The following C1QL3 variants were observed in gnomAD, a reference collection of about 807,000 sequenced individuals.
The protein encoded by C1QL3 is complement C1q-like protein 3.
In C1QL3, 4 loss-of-function variants were observed where a neutral mutation model predicts 16.6. That is an observed-to-expected ratio of 0.24 (90% CI 0.12 to 0.55). The LOEUF is 0.55. Among genes scored for constraint, C1QL3 ranks in the 20% least tolerant of loss-of-function variants. The pLI is 0.94. For missense variants in C1QL3, 269 were observed against 365.6 expected (o/e 0.74, Z 2.16); for synonymous variants, 189 against 160.2 (o/e 1.18, Z -1.36).
chr10:16,516,872 T>G (rs751091410), intron 1 of C1QL3, among the ~76,000 whole-genome samples: 1 of 152,302 alleles, frequency 6.6e-6, no homozygotes, highest in East Asian at 1.9e-4. Context: ...TGCTTTTTAA[T>G]GAATGTAATT....
At position 16,520,470 on chromosome 10, in the gene C1QL3, G is replaced by T. The variant is rs1416987986; in HGVS notation, c.588+8C>A. 3 of 528,120 alleles carry T rather than the reference G, an allele frequency of 5.7e-6. No individual in the cohort carries two copies. The highest frequency in any genetic ancestry group is 4.4e-5 in the African/African-American group (2 of 45,676). 32.7% of individuals were successfully genotyped at this position (528,120 alleles called of 1,614,324 possible). On this transcript the variant is annotated splice_region_variant and intron_variant, in intron 1 of 1. Transcript: ENST00000298943. This position sits in a 1 kb window ranked among gnomAD's most constrained non-coding sequence, Gnocchi z 8.3. Reference sequence around the variant, plus strand: ...TCCCCGCCCTCCCCGCCGCCCGCCCGCGCTCACCTGGTTGTTTTTGCAGAG... The same window carrying T: ...TCCCCGCCCTCCCCGCCGCCCGCCCTCGCTCACCTGGTTGTTTTTGCAGAG...
Position 16,513,999 on chromosome 10 carries a change from C to G in C1QL3, c.*529G>C, listed in dbSNP as rs1365327372. On this transcript the variant is annotated 3_prime_UTR_variant, in exon 2 of 2. Transcript: ENST00000298943. ...GCTTGAAGTTGAATCATTCCCAGGT[C>G]TAGCTCTAAGGTTAACAAGAGTACA... 1.5e-5 allele frequency: 4 copies of G among 259,014 alleles called. No homozygotes were observed. Among genetic ancestry groups the G allele is most frequent in the Non-Finnish European group, 2.2e-5 (3 of 138,234 alleles). The allele number at this position is 259,014 out of a possible 1,614,324, so 16.0% of individuals were successfully genotyped here.
rs939922913 is a variant in C1QL3, at chr10:16,520,208, G to A, written c.588+270C>T. Among the ~76,000 whole-genome samples, 2 of 152,054 alleles carry A rather than the reference G, an allele frequency of 1.3e-5. No individual in the cohort carries two copies. The highest frequency in any genetic ancestry group is 6.5e-5 in the Admixed American group (1 of 15,282). The stretch of plus-strand genomic sequence containing the variant: ...CCCGGGACCCAGCTCCCGGCTTCCC[G>A]CCCCTCGAGGGTCGCGCTCGCAGGG... On this transcript the variant is annotated intron_variant, in intron 1 of 1. Transcript: ENST00000298943. The surrounding 1 kb of genome is among the most constrained non-coding windows in gnomAD (Gnocchi z 8.3).
rs761783743 is a variant in C1QL3 at position 16,520,624 on chromosome 10, C to T, written c.442G>A (p.Val148Met). ...EGYEVLKFDD[V>M]VTNLGNHYDP... ...TAGTGGTTTCCGAGGTTGGTGACCA[C>T]GTCGTCGAACTTGAGCACCTCGTAG... Residue 148 changes from valine (V) to methionine (M), a missense_variant, in exon 1 of 2, where the codon GTG becomes ATG. This residue lies in a region of C1QL3 where 246 missense variants were observed against 297.2 expected (regional missense o/e 0.83). Transcript: ENST00000298943. This position sits in a 1 kb window ranked among gnomAD's most constrained non-coding sequence, Gnocchi z 8.3. 3 of 1,613,706 alleles carry T rather than the reference C, an allele frequency of 1.9e-6. No individual in the cohort carries two copies. The highest frequency in any genetic ancestry group is 2.2e-5 in the East Asian group (1 of 44,812).
intron 1 of C1QL3, among the ~76,000 whole-genome samples, chr10:16,517,398 A>G (rs1836967675): frequency 6.6e-6 from 1 of 152,242 alleles, no homozygotes; most frequent in Admixed American, 6.5e-5. Flanking sequence ...AATTTTTAAG[A>G]GTACCAACTG....
At chr10:16,515,094 T>C (rs2133536474) in intron 1 of C1QL3, among the ~76,000 whole-genome samples, 1 of 152,272 alleles carries the variant, frequency 6.6e-6, no homozygotes, top group East Asian at 1.9e-4. Context: ...GATAGCAATA[T>C]TCTAATCAGC....
At chr10:16,519,993 T>A (rs1242695960) in intron 1 of C1QL3, among the ~76,000 whole-genome samples, 1 of 151,978 alleles carries the variant, frequency 6.6e-6, no homozygotes, top group African/African-American at 2.4e-5. Flanking sequence ...TTGGACTCAT[T>A]CCTTCGGGGC....
intron 1 of C1QL3, among the ~76,000 whole-genome samples, chr10:16,518,740 C>A (rs1836990266): frequency 6.6e-6 from 1 of 152,022 alleles, no homozygotes. Flanking sequence ...TTAATTGATA[C>A]CTCTAAAAAT....
rs912128913 is a variant in C1QL3, at chr10:16,521,274, A to C, written c.-209T>G. On this transcript the variant is annotated 5_prime_UTR_variant, in exon 1 of 2. Transcript: ENST00000298943. Reference sequence around the variant, plus strand: ...CTGCCGACTCCTGCTCCCCCCGCGGAGGCTGCGGCTGGGGAGGGAGCGCGG... The same window carrying C: ...CTGCCGACTCCTGCTCCCCCCGCGGCGGCTGCGGCTGGGGAGGGAGCGCGG... 1.5e-5 allele frequency: 8 copies of C among 524,814 alleles called. No individual in the cohort carries two copies. The highest frequency in any genetic ancestry group is 2.0e-5 in the Non-Finnish European group (6 of 301,940). 32.5% of individuals were successfully genotyped at this position (524,814 alleles called of 1,614,324 possible).
In C1QL3 at chr10:16,521,293, A is replaced by G. The variant is rs1241438815; in HGVS notation, c.-228T>C. On this transcript the variant is annotated 5_prime_UTR_variant, in exon 1 of 2. Coordinates refer to ENST00000298943, the MANE Select transcript of C1QL3 (RefSeq NM_001010908.2). Reference sequence around the variant, plus strand: ...CCGCGGAGGCTGCGGCTGGGGAGGGAGCGCGGGCGCCCAGTGACTTGAGCC... The same window carrying G: ...CCGCGGAGGCTGCGGCTGGGGAGGGGGCGCGGGCGCCCAGTGACTTGAGCC... The G allele has an allele frequency of 4.9e-5, 24 of 485,134 alleles. No individual in the cohort carries two copies. The highest frequency in any genetic ancestry group is 1.1e-3 in the Middle Eastern group (2 of 1,872). 30.1% of individuals were successfully genotyped at this position (485,134 alleles called of 1,614,324 possible). A position where few individuals can be genotyped will look rare whatever the true frequency, so the allele number is the denominator to read the frequency against.
rs959931138 is a variant in C1QL3, at chr10:16,521,358, G to A, written c.-293C>T. Reference sequence around the variant, plus strand: ...GGGGTGGGGGCCGGGGGAGGGGTGCGCGGGGCGCCCTCGCCCCCCGCGAGC... The same window carrying A: ...GGGGTGGGGGCCGGGGGAGGGGTGCACGGGGCGCCCTCGCCCCCCGCGAGC... On this transcript the variant is annotated 5_prime_UTR_variant, in exon 1 of 2. Transcript: ENST00000298943. 6.6e-6 allele frequency: 2 copies of A among 301,574 alleles called. No individual in the cohort carries two copies. The highest frequency in any genetic ancestry group is 2.2e-5 in the African/African-American group (1 of 45,514). The allele number at this position is 301,574 out of a possible 1,614,324, so 18.7% of individuals were successfully genotyped here. A position where few individuals can be genotyped will look rare whatever the true frequency, so the allele number is the denominator to read the frequency against.
Position 16,514,681 on chromosome 10 carries a change from A to G in C1QL3, c.615T>C (p.Asp205=). The change falls in exon 2 of 2, where the codon GAT becomes GAC. Residue 205 remains aspartate, a synonymous_variant. Coordinates refer to ENST00000298943, the MANE Select transcript of C1QL3 (RefSeq NM_001010908.2). ...NQVRASAIAQ[D]ADQNYDYASN... ...TGGCATAGTCGTAATTCTGATCAGC[A>G]TCTTGGGCAATTGCACTAGCACGCA... 6.2e-7 allele frequency: 1 copy of G among 1,613,762 alleles called. No homozygotes were observed. Among genetic ancestry groups the G allele is most frequent in the Non-Finnish European group, 8.5e-7 (1 of 1,179,726 alleles).
chr10:16,520,574 G>A lies in C1QL3; in HGVS notation c.492C>T (p.Thr164=). The change falls in exon 1 of 2, where the codon ACC becomes ACT. Residue 164 remains threonine (T), a synonymous_variant. Transcript: ENST00000298943. This position sits in a 1 kb window ranked among gnomAD's most constrained non-coding sequence, Gnocchi z 8.3. ...AGAAGTAGATGCCCGGGATGGAGCA[G>A]GTGAACTTGCCGGTGGTGGGGTCGT... is the stretch of plus-strand genomic sequence containing the variant. ...NHYDPTTGKF[T]CSIPGIYFFT... is the part of the protein sequence containing the mutation. 6.2e-7 allele frequency: 1 copy of A among 1,613,744 alleles called. No individual in the cohort carries two copies. The highest frequency in any genetic ancestry group is 8.5e-7 in the Non-Finnish European group (1 of 1,179,810).
At chr10:16,515,231 A>G (rs1177069032) in intron 1 of C1QL3, among the ~76,000 whole-genome samples, 1 of 151,434 alleles carries the variant, frequency 6.6e-6, no homozygotes, top group African/African-American at 2.4e-5. Context: ...AAAGAAAAAA[A>G]AAAAAAAGAA....
chr10:16,521,156 C>T lies in C1QL3; in HGVS notation c.-91G>A. Reference sequence around the variant, plus strand: ...GGCGATCCTCTTGTCTGCTTTTGGACAGAATTTTGAAGGTTGGGCGGGGAC... The same window carrying T: ...GGCGATCCTCTTGTCTGCTTTTGGATAGAATTTTGAAGGTTGGGCGGGGAC... On this transcript the variant is annotated 5_prime_UTR_variant, in exon 1 of 2. Transcript: ENST00000298943. The T allele has an allele frequency of 7.9e-7, 1 of 1,267,732 alleles. No individual in the cohort carries two copies. Among genetic ancestry groups the T allele is most frequent in the East Asian group, 2.6e-5 (1 of 38,428 alleles). The allele number at this position is 1,267,732 out of a possible 1,614,324, so 78.5% of individuals were successfully genotyped here. A position where few individuals can be genotyped will look rare whatever the true frequency, so the allele number is the denominator to read the frequency against.
Position 16,520,401 on chromosome 10 carries a change from T to C in C1QL3, c.588+77A>G, listed in dbSNP as rs1837022183. ...CTTCCTCCGCGGGCTCCCACCCCCA[T>C]TTCCGGGGTCTCCTCCCTCTCGCCC... is the stretch of plus-strand genomic sequence containing the variant. On this transcript the variant is annotated intron_variant, in intron 1 of 1. Coordinates refer to ENST00000298943, the MANE Select transcript of C1QL3 (RefSeq NM_001010908.2). This position sits in a 1 kb window ranked among gnomAD's most constrained non-coding sequence, Gnocchi z 8.3. 1 of 1,164,194 alleles carries C rather than the reference T, an allele frequency of 8.6e-7. No homozygotes were observed. 72.1% of individuals were successfully genotyped at this position (1,164,194 alleles called of 1,614,324 possible).
Position 16,514,779 on chromosome 10 carries a change from G to A in C1QL3, c.589-72C>T, listed in dbSNP as rs1258974356. On this transcript the variant is annotated intron_variant, in intron 1 of 1. Coordinates refer to ENST00000298943, the MANE Select transcript of C1QL3 (RefSeq NM_001010908.2). ...AGTTTTCTTTTTTGCCATTCATGTA[G>A]CATCACAAGCTGACTTGCTGCCATA... 6 of 1,134,262 alleles carry A rather than the reference G, an allele frequency of 5.3e-6. No individual in the cohort carries two copies. In the East Asian group the frequency reaches 1.5e-4, roughly 28 times the overall value. 70.3% of individuals were successfully genotyped at this position (1,134,262 alleles called of 1,614,324 possible).
Position 16,514,083 on chromosome 10 carries a change from G to A in C1QL3, c.*445C>T, listed in dbSNP as rs746880856. The A allele has an allele frequency of 3.6e-4, 136 of 377,030 alleles. 1 individual carries two copies. Among genetic ancestry groups the A allele is most frequent in the Non-Finnish European group, 5.3e-4 (112 of 212,478 alleles). 23.4% of individuals were successfully genotyped at this position (377,030 alleles called of 1,614,324 possible). ...ATTTCAATTAGACCTTCTCCTGCAG[G>A]GCAAAAATCATTCTTCCCCACACTA... On this transcript the variant is annotated 3_prime_UTR_variant, in exon 2 of 2. Coordinates refer to ENST00000298943, the MANE Select transcript of C1QL3 (RefSeq NM_001010908.2).
Position 16,520,431 on chromosome 10 carries a change from CT to C in C1QL3, c.588+46del. 1.5e-6 allele frequency: 2 copies of C among 1,373,452 alleles called. No homozygotes were observed. The allele number at this position is 1,373,452 out of a possible 1,614,324, so 85.1% of individuals were successfully genotyped here. ...GGGGTCTCCTCCCTCTCGCCCGCAC[CT>C]TCCCGCGCTCCCTCCCCGCCCTCCC... On this transcript the variant is annotated intron_variant, in intron 1 of 1. Transcript: ENST00000298943. This position sits in a 1 kb window ranked among gnomAD's most constrained non-coding sequence, Gnocchi z 8.3.
Sources: gnomAD v4.1 joint callset for allele counts (sites outside exome capture counted in the v4.1 genomes callset) on GRCh38, gnomAD v4.1.1 for gene constraint, gnomAD v4.1.1 regional missense constraint, Gnocchi (gnomAD v3.1) non-coding constraint, MANE v1.5 for transcripts, NCBI Gene and HGNC (gene_info 2026-07-23, HGNC 2026-07-21) for gene names.